FHIT: variants seen among roughly 807,000 people sequenced by gnomAD.
The protein encoded by FHIT is fragile histidine triad diadenosine triphosphatase, also known as bis(5'-adenosyl)-triphosphatase.
FHIT carries 19 observed loss-of-function variants against 17.9 expected under a neutral mutation model. The observed-to-expected ratio is 1.06, with a 90% CI of 0.74 to 1.56. The LOEUF (loss-of-function observed/expected upper bound fraction) is 1.56, where lower values mean the gene tolerates loss of function less well. Among genes scored for constraint, FHIT ranks in the 40% most tolerant of loss-of-function variants. FHIT has a pLI of 0.00. For missense variants in FHIT, 248 were observed against 189.2 expected, an observed-to-expected ratio of 1.31 and a Z score of -1.82; for synonymous variants, 81 against 69.7, an observed-to-expected ratio of 1.16 and a Z score of -0.81.
At chr3:60,829,247 A>G (rs547506881) in intron 3 of FHIT, among the ~76,000 whole-genome samples, 1 of 152,238 alleles carries the variant, frequency 6.6e-6, no homozygotes. Flanking sequence ...AACCACACCA[A>G]AGTCAATATT....
intron 8 of FHIT, among the ~76,000 whole-genome samples, chr3:59,794,131 C>T (rs1198280575): frequency 2.6e-5 from 4 of 152,278 alleles, no homozygotes; most frequent in Middle Eastern, 3.4e-3. Context: ...AGCGGATAAA[C>T]ATCAGACATG....
intron 3 of FHIT, among the ~76,000 whole-genome samples, chr3:61,031,350 C>T (rs2033001781): frequency 6.6e-6 from 1 of 152,140 alleles, no homozygotes; most frequent in African/African-American, 2.4e-5. Context: ...GAACCAGTAG[C>T]CATCTTTGCT....
intron 8 of FHIT, among the ~76,000 whole-genome samples, chr3:59,820,742 T>C (rs925344874): frequency 4.6e-5 from 7 of 152,144 alleles, no homozygotes; most frequent in African/African-American, 1.7e-4. Flanking sequence ...ATCCCTATGG[T>C]CACACAGAGG....
chr3:60,899,285 G>T (rs540375306), intron 3 of FHIT, among the ~76,000 whole-genome samples: 28 of 152,136 alleles, frequency 1.8e-4, no homozygotes, highest in Non-Finnish European at 4.0e-4. Flanking sequence ...CCTCGGAGTT[G>T]ATCACATTTG....
Position 59,819,651 on chromosome 3 carries a change from C to T in FHIT, c.349-67330G>A, listed in dbSNP as rs185329323. 1.1e-4 allele frequency among the ~76,000 whole-genome samples: 17 copies of T among 152,256 alleles called. No homozygotes were observed. In the East Asian group the frequency reaches 3.3e-3, roughly 29 times the overall value. ...ATTTGCACACATCTAAATACATAGT[C>T]ATATGTCTTGTTTTTGTTGTTACCA... On this transcript the variant is annotated intron_variant, in intron 8 of 9. Transcript: ENST00000492590.
chr3:60,470,685 C>G lies in FHIT; in HGVS notation c.103+66175G>C, dbSNP rs529928978. ...TCCTGAAATCAGAGATCCTAGGAGC[C>G]CACTTGATCCTCTGCCATACTGTGG... On this transcript the variant is annotated intron_variant, in intron 5 of 9. Transcript: ENST00000492590. Among the ~76,000 whole-genome samples, 59 of 152,114 alleles carry G rather than the reference C, an allele frequency of 3.9e-4. 1 individual carries two copies. In the Middle Eastern group the frequency reaches 0.01, roughly 26 times the overall value.
At chr3:60,723,340 T>C (rs924407367) in intron 4 of FHIT, among the ~76,000 whole-genome samples, 4 of 151,760 alleles carry the variant, frequency 2.6e-5, no homozygotes, top group African/African-American at 9.7e-5. Context: ...CAGCTGGGAA[T>C]TGGAGCTGGT....
intron 4 of FHIT, among the ~76,000 whole-genome samples, chr3:60,683,913 T>G (rs2107868260): frequency 6.6e-6 from 1 of 152,320 alleles, no homozygotes; most frequent in African/African-American, 2.4e-5. Context: ...TCTATATTTT[T>G]TTCTCAGCAT....
At chr3:60,291,660 A>G (rs894539672) in intron 5 of FHIT, among the ~76,000 whole-genome samples, 4 of 152,140 alleles carry the variant, frequency 2.6e-5, no homozygotes, top group Non-Finnish European at 4.4e-5. Context: ...TTCTGCTGAG[A>G]ACTCTTTTAC....
intron 7 of FHIT, among the ~76,000 whole-genome samples, chr3:59,960,892 C>A (rs1297743063): frequency 6.6e-6 from 1 of 152,198 alleles, no homozygotes; most frequent in Non-Finnish European, 1.5e-5. Flanking sequence ...AGAAGATCCA[C>A]ATGAGACTCC....
intron 5 of FHIT, among the ~76,000 whole-genome samples, chr3:60,265,138 T>C (rs1706504621): frequency 6.6e-6 from 1 of 152,012 alleles, no homozygotes; most frequent in Non-Finnish European, 1.5e-5. Flanking sequence ...AGAGCCTTCT[T>C]GGTTGAAGCA....
At chr3:61,122,006 G>A (rs998567081) in intron 2 of FHIT, among the ~76,000 whole-genome samples, 1 of 152,048 alleles carries the variant, frequency 6.6e-6, no homozygotes, top group Non-Finnish European at 1.5e-5. Context: ...AATGGTAAAG[G>A]GATCGATGCA....
At chr3:60,395,117 C>A (rs1030736403) in intron 5 of FHIT, among the ~76,000 whole-genome samples, 1 of 152,086 alleles carries the variant, frequency 6.6e-6, no homozygotes, top group African/African-American at 2.4e-5. Flanking sequence ...GTAGTTGAAA[C>A]GGCAGAAATA....
chr3:61,197,071 CGTTGTT>C (rs953613716), intron 2 of FHIT, among the ~76,000 whole-genome samples: 1 of 152,062 alleles, frequency 6.6e-6, no homozygotes, highest in South Asian at 2.1e-4. Context: ...TTGCTGTTGT[CGTTGTT>C]GTTGTTGTTT....
At chr3:61,043,341 C>G (rs773773150) in intron 2 of FHIT, among the ~76,000 whole-genome samples, 1 of 151,820 alleles carries the variant, frequency 6.6e-6, no homozygotes, top group Non-Finnish European at 1.5e-5. Flanking sequence ...ACGCCTAGCT[C>G]GGAGGGTCCC....
chr3:60,110,290 G>T (rs1014329468), intron 5 of FHIT, among the ~76,000 whole-genome samples: 1 of 152,068 alleles, frequency 6.6e-6, no homozygotes, highest in Non-Finnish European at 1.5e-5. Context: ...AGGGTAAGTG[G>T]GCTCAGAATA....
chr3:59,779,830 G>A (rs999947523), intron 8 of FHIT, among the ~76,000 whole-genome samples: 3 of 152,146 alleles, frequency 2.0e-5, no homozygotes, highest in Admixed American at 6.5e-5. Context: ...AGCACTGTTC[G>A]ATAAATACAT....
chr3:60,408,665 G>A (rs1478746168), intron 5 of FHIT, among the ~76,000 whole-genome samples: 2 of 152,082 alleles, frequency 1.3e-5, no homozygotes, highest in East Asian at 3.9e-4. Context: ...GAAAATGAAG[G>A]TCAGTCATCT....
intron 4 of FHIT, among the ~76,000 whole-genome samples, chr3:60,645,068 G>A (rs1487187355): frequency 1.3e-5 from 2 of 151,858 alleles, no homozygotes; most frequent in African/African-American, 2.4e-5. Context: ...GGGTGGCCAG[G>A]GATCCCCCAT....
Sources: allele counts gnomAD v4.1 joint callset (sites outside exome capture counted in the v4.1 genomes callset), GRCh38; gene constraint gnomAD v4.1.1; transcripts MANE v1.5; gene names NCBI Gene and HGNC (gene_info 2026-07-23, HGNC 2026-07-21).